Variants in KCNH1 observed in about 807,000 individuals in gnomAD.
The protein encoded by KCNH1 is voltage-gated delayed rectifier potassium channel KCNH1.
In KCNH1, 27 loss-of-function variants were observed where a neutral mutation model predicts 69.2. The observed-to-expected ratio is 0.39, with a 90% CI of 0.29 to 0.54. The LOEUF (loss-of-function observed/expected upper bound fraction) is 0.54. Among genes scored for constraint, KCNH1 ranks in the 20% least tolerant of loss-of-function variants. The pLI, the probability that KCNH1 is intolerant of heterozygous loss-of-function variation, is 0.68. For missense variants in KCNH1, 798 were observed against 1,261.6 expected (o/e 0.63, Z 5.57); for synonymous variants, 456 against 487.7 (o/e 0.93, Z 0.86).
At chr1:211,016,724 C>T (rs941105003) in intron 6 of KCNH1, among the ~76,000 whole-genome samples, 1 of 151,764 alleles carries the variant, frequency 6.6e-6, no homozygotes, top group East Asian at 1.9e-4. Context: ...GACTGGCCAA[C>T]ATGGTGAAAC....
At chr1:210,861,035 C>T (rs1410709743) in intron 7 of KCNH1, 11 of 1,052,952 alleles carry the variant, frequency 1.0e-5, no homozygotes, top group Non-Finnish European at 1.6e-5. Context: ...AATCTGGTAA[C>T]AAAATCCCAT....
intron 7 of KCNH1, among the ~76,000 whole-genome samples, chr1:210,898,626 G>T (rs561866155): frequency 6.6e-5 from 10 of 150,648 alleles, no homozygotes; most frequent in Non-Finnish European, 1.2e-4. Flanking sequence ...CAGGCATGTG[G>T]CATCATAATC....
intron 7 of KCNH1, among the ~76,000 whole-genome samples, chr1:210,911,343 C>A (rs1687227638): frequency 6.6e-6 from 1 of 152,196 alleles, no homozygotes; most frequent in Admixed American, 6.5e-5. Context: ...ATTGACTCAT[C>A]TGGCTCCCCT....
intron 6 of KCNH1, among the ~76,000 whole-genome samples, chr1:211,009,811 G>T (rs922502107): frequency 1.3e-5 from 2 of 152,060 alleles, no homozygotes; most frequent in Non-Finnish European, 2.9e-5. Flanking sequence ...GTTTCACTAT[G>T]TTAGCCAGGC....
chr1:210,860,842 A>G, intron 7 of KCNH1: 2 of 911,068 alleles, frequency 2.2e-6, no homozygotes, highest in Admixed American at 1.7e-5. Context: ...AAAATAGTGA[A>G]GTACTCAGCA....
In KCNH1 at chr1:210,847,057, A is replaced by G. The variant is rs762872981; in HGVS notation, c.1463-42891T>C. 1.4e-3 allele frequency among the ~76,000 whole-genome samples: 216 copies of G among 152,306 alleles called. 1 individual carries two copies. The highest frequency in any genetic ancestry group is 2.5e-3 in the Non-Finnish European group (169 of 68,018). On this transcript the variant is annotated intron_variant, in intron 7 of 10. Transcript: ENST00000271751. ...AGCATCTCACACCAGTTAGAATGGC[A>G]ATCATTAAAAAGTCAGGAAACAACA...
At chr1:211,124,322 C>G (rs1691740552) in intron 1 of KCNH1, among the ~76,000 whole-genome samples, 1 of 152,186 alleles carries the variant, frequency 6.6e-6, no homozygotes, top group Non-Finnish European at 1.5e-5. Context: ...CATCCCCTCA[C>G]CAAATTCACC....
intron 10 of KCNH1, among the ~76,000 whole-genome samples, chr1:210,715,776 G>C (rs149905108): frequency 6.6e-6 from 1 of 152,264 alleles, no homozygotes; most frequent in African/African-American, 2.4e-5. Context: ...GCCTGGAAGG[G>C]AAACGCTCTC....
At position 211,024,765 on chromosome 1, in the gene KCNH1, C is replaced by T. The variant is rs373874962; in HGVS notation, c.559-5509G>A. 1.8e-4 allele frequency among the ~76,000 whole-genome samples: 27 copies of T among 151,936 alleles called. No individual in the cohort carries two copies. The East Asian group carries it at 3.1e-3, about 17-fold the overall frequency. ...TCCAATTTTGTACATATTAATATTT[C>T]TGCAGTATAGCCAGCTGGACTTGCT... On this transcript the variant is annotated intron_variant, in intron 5 of 10. Coordinates refer to ENST00000271751, the MANE Select transcript of KCNH1 (RefSeq NM_172362.3).
intron 5 of KCNH1, among the ~76,000 whole-genome samples, chr1:211,032,062 G>A (rs1358656942): frequency 6.6e-6 from 1 of 152,172 alleles, no homozygotes; most frequent in East Asian, 1.9e-4. Flanking sequence ...CTTCAGCAAA[G>A]TCTCAGGATA....
chr1:210,786,129 A>G (rs1478563215), intron 9 of KCNH1, among the ~76,000 whole-genome samples: 2 of 152,050 alleles, frequency 1.3e-5, no homozygotes, highest in African/African-American at 4.8e-5. Flanking sequence ...GGCTACTTTA[A>G]TCTTGCTCCT....
At chr1:211,131,095 A>G (rs1213324412) in intron 1 of KCNH1, among the ~76,000 whole-genome samples, 3 of 152,136 alleles carry the variant, frequency 2.0e-5, no homozygotes, top group Admixed American at 2.0e-4. Flanking sequence ...TTGGGGCCTC[A>G]TTAGTTCTGC....
At chr1:210,801,861 T>A (rs1333434870) in intron 8 of KCNH1, among the ~76,000 whole-genome samples, 1 of 152,238 alleles carries the variant, frequency 6.6e-6, no homozygotes, top group Non-Finnish European at 1.5e-5. Context: ...ACCCTGCCCA[T>A]CCAAGAAATT....
intron 6 of KCNH1, among the ~76,000 whole-genome samples, chr1:210,946,180 T>C (rs769894674): frequency 3.9e-5 from 6 of 152,198 alleles, no homozygotes; most frequent in Non-Finnish European, 5.9e-5. Flanking sequence ...ATCATGAAGG[T>C]GAGACTTTAT....
chr1:211,074,700 T>C (rs1486149728), intron 5 of KCNH1, among the ~76,000 whole-genome samples: 2 of 152,222 alleles, frequency 1.3e-5, no homozygotes, highest in African/African-American at 4.8e-5. Flanking sequence ...GTGATTAATA[T>C]CTATAATCAG....
At chr1:211,016,429 A>G (rs1047290252) in intron 6 of KCNH1, among the ~76,000 whole-genome samples, 2 of 152,230 alleles carry the variant, frequency 1.3e-5, no homozygotes. Flanking sequence ...TCTAAATAGA[A>G]AATCGTTTAT....
intron 10 of KCNH1, among the ~76,000 whole-genome samples, chr1:210,696,508 G>A (rs981093548): frequency 9.2e-5 from 14 of 152,238 alleles, no homozygotes; most frequent in Non-Finnish European, 1.6e-4. Flanking sequence ...AGGGCGCTCC[G>A]GTTCAAGCCT....
At chr1:211,132,401 T>A (rs774073834) in intron 1 of KCNH1, among the ~76,000 whole-genome samples, 78 of 152,202 alleles carry the variant, frequency 5.1e-4, no homozygotes, top group Admixed American at 2.6e-3. Flanking sequence ...GTAATGACTG[T>A]GACCTTGACC....
In KCNH1 at chr1:210,955,853, G is replaced by T. The variant is rs575956423; in HGVS notation, c.1033-35784C>A. Among the ~76,000 whole-genome samples the T allele has an allele frequency of 8.5e-5, 13 of 152,270 alleles. No homozygotes were observed. In the South Asian group the frequency reaches 2.7e-3, roughly 32 times the overall value. On this transcript the variant is annotated intron_variant, in intron 6 of 10. Coordinates refer to ENST00000271751, the MANE Select transcript of KCNH1 (RefSeq NM_172362.3). ...TATGATCATGTCATCTGTAAACAGG[G>T]ACAATTTGACTTCCTCTTTTCCTAA...
Sources: gnomAD v4.1 joint callset for allele counts (sites outside exome capture counted in the v4.1 genomes callset) on GRCh38, gnomAD v4.1.1 for gene constraint, MANE v1.5 for transcripts, NCBI Gene and HGNC (gene_info 2026-07-23, HGNC 2026-07-21) for gene names.